The following ADAMTSL1 variants were observed in gnomAD, a reference collection of about 807,000 sequenced individuals.
ADAMTSL1 encodes ADAMTS like 1.
ADAMTSL1 carries 126 observed loss-of-function variants against 201.8 expected under a neutral mutation model. The ratio of observed to expected loss-of-function variants is 0.62; its 90% CI spans 0.54 to 0.72. The LOEUF (loss-of-function observed/expected upper bound fraction) is 0.72. ADAMTSL1 is among the 30% of genes least tolerant of loss of function. The pLI is 0.00. For missense variants in ADAMTSL1, 2,679 were observed against 2,277.8 expected (o/e 1.18, Z -3.59); for synonymous variants, 1,121 against 903.4 (o/e 1.24, Z -4.32).
chr9:18,011,907 G>A (rs1820068061), intron 1 of ADAMTSL1, among the ~76,000 whole-genome samples: 1 of 152,008 alleles, frequency 6.6e-6, no homozygotes, highest in African/African-American at 2.4e-5. Flanking sequence ...CAATCGAAGA[G>A]AGTTGCCGGT....
chr9:18,558,318 G>A (rs1821236331), intron 3 of ADAMTSL1, among the ~76,000 whole-genome samples: 1 of 152,160 alleles, frequency 6.6e-6, no homozygotes, highest in Admixed American at 6.5e-5. Context: ...CTTTATCCAT[G>A]TGCCTGCACA....
intron 15 of ADAMTSL1, among the ~76,000 whole-genome samples, chr9:18,729,163 G>A (rs1387834530): frequency 6.6e-6 from 1 of 152,196 alleles, no homozygotes; most frequent in African/African-American, 2.4e-5. Flanking sequence ...CCTGGCAGGA[G>A]GAGGATACAG....
chr9:18,076,497 G>A (rs540090166), intron 1 of ADAMTSL1, among the ~76,000 whole-genome samples: 1 of 152,338 alleles, frequency 6.6e-6, no homozygotes, highest in South Asian at 2.1e-4. Context: ...GACAAAAATA[G>A]TGCCTCCATG....
chr9:18,710,011 G>C (rs1038558215), intron 14 of ADAMTSL1, among the ~76,000 whole-genome samples: 1 of 152,120 alleles, frequency 6.6e-6, no homozygotes, highest in Non-Finnish European at 1.5e-5. Context: ...GCATATATTA[G>C]CTCTTTTGGA....
chr9:18,183,188 T>A (rs1828578608), intron 2 of ADAMTSL1, among the ~76,000 whole-genome samples: 1 of 152,058 alleles, frequency 6.6e-6, no homozygotes, highest in Non-Finnish European at 1.5e-5. Context: ...ATGCAAAAAA[T>A]TAAATCTGGG....
intron 20 of ADAMTSL1, among the ~76,000 whole-genome samples, chr9:18,803,905 A>C (rs773565589): frequency 5.3e-5 from 8 of 152,194 alleles, no homozygotes; most frequent in Non-Finnish European, 1.0e-4. Context: ...TATTCCAACA[A>C]AAACAATGTA....
In ADAMTSL1 at chr9:18,425,937, A is replaced by G. The variant is rs10125605; in HGVS notation, c.208-78892A>G. Among the ~76,000 whole-genome samples the G allele has an allele frequency of 8.4e-3, 1,274 of 151,914 alleles. 19 individuals are homozygous for G. The highest frequency in any genetic ancestry group is 0.029 in the African/African-American group (1,215 of 41,428). ...ATGTTCTTTTGGAAGGTAAAGGGTG[A>G]AAAGATGTTATTATTGAAAGATGAG... is the stretch of plus-strand genomic sequence containing the variant. On this transcript the variant is annotated intron_variant, in intron 2 of 29. Coordinates refer to the ADAMTSL1 transcript ENST00000680146.
intron 1 of ADAMTSL1, among the ~76,000 whole-genome samples, chr9:18,124,464 T>TA (rs1825651194): frequency 6.6e-6 from 1 of 152,172 alleles, no homozygotes. Flanking sequence ...TGTTACTTTT[T>TA]TATATATTCT....
At chr9:18,509,055 G>C (rs1399044815) in intron 2 of ADAMTSL1, among the ~76,000 whole-genome samples, 1 of 130,720 alleles carries the variant, frequency 7.6e-6, no homozygotes. Context: ...GCGGTGGCGG[G>C]CGCCTGTAGT....
At chr9:17,985,723 C>T (rs1473343263) in intron 1 of ADAMTSL1, among the ~76,000 whole-genome samples, 1 of 152,130 alleles carries the variant, frequency 6.6e-6, no homozygotes, top group Non-Finnish European at 1.5e-5. Context: ...GCTTAGCAAT[C>T]AGATACTCCA....
At chr9:18,482,889 C>T (rs1326753811) in intron 1 of ADAMTSL1, among the ~76,000 whole-genome samples, 1 of 152,142 alleles carries the variant, frequency 6.6e-6, no homozygotes, top group Non-Finnish European at 1.5e-5. Flanking sequence ...CTGTTATAAC[C>T]ATTTGTCACT....
intron 16 of ADAMTSL1, among the ~76,000 whole-genome samples, chr9:18,758,207 T>C (rs2164000): frequency 0.69 from 105,274 of 152,126 alleles, 36,713 homozygotes; most frequent in Admixed American, 0.76. Flanking sequence ...ATTTTCTTTT[T>C]CACTATGCAG....
At chr9:18,798,421 T>G (rs879742082) in intron 20 of ADAMTSL1, among the ~76,000 whole-genome samples, 5 of 152,208 alleles carry the variant, frequency 3.3e-5, no homozygotes, top group Non-Finnish European at 7.3e-5. Context: ...TTAAATGCAA[T>G]CATTCATAAA....
intron 2 of ADAMTSL1, among the ~76,000 whole-genome samples, chr9:18,273,316 A>T (rs113754819): frequency 1.9e-3 from 250 of 129,110 alleles, no homozygotes; most frequent in African/African-American, 6.3e-3. Context: ...CCCAACCTCA[A>T]GTGATCCGCC....
At chr9:18,200,956 A>G (rs10963510) in intron 2 of ADAMTSL1, among the ~76,000 whole-genome samples, 1 of 151,868 alleles carries the variant, frequency 6.6e-6, no homozygotes. Flanking sequence ...TCAAGACAAA[A>G]GAATATCTTT....
At position 18,579,163 on chromosome 9, in the gene ADAMTSL1, C is replaced by T. The variant is rs1303735895; in HGVS notation, c.474+4897C>T. 2.7e-5 allele frequency among the ~76,000 whole-genome samples: 4 copies of T among 150,516 alleles called. No homozygotes were observed. In the East Asian group the frequency reaches 7.8e-4, roughly 29 times the overall value. ...ATATACACCATGGAATACTATGCAG[C>T]CGTAAAAAATGATGAGTTCATGTCC... On this transcript the variant is annotated intron_variant, in intron 4 of 28. Coordinates refer to ENST00000380548, the MANE Select transcript of ADAMTSL1 (RefSeq NM_001040272.6).
chr9:18,626,871 CTT>C (rs1826404964), intron 5 of ADAMTSL1, among the ~76,000 whole-genome samples: 3 of 98,384 alleles, frequency 3.0e-5, no homozygotes, highest in African/African-American at 5.4e-5. Flanking sequence ...TTCTTTCTGT[CTT>C]TCTTCCTTCC....
intron 12 of ADAMTSL1, among the ~76,000 whole-genome samples, chr9:18,682,954 C>T (rs2482971): frequency 0.41 from 62,993 of 151,970 alleles, 13,397 homozygotes; most frequent in East Asian, 0.54. Context: ...AGAGATCATG[C>T]GTAGGTTAAA....
chr9:18,514,496 C>CT (rs991544237), intron 2 of ADAMTSL1, among the ~76,000 whole-genome samples: 8 of 151,720 alleles, frequency 5.3e-5, no homozygotes, highest in African/African-American at 1.9e-4. Context: ...TGCCCGGCTA[C>CT]TTTTTTTGTA....
Sources: allele counts gnomAD v4.1 joint callset (sites outside exome capture counted in the v4.1 genomes callset), GRCh38; gene constraint gnomAD v4.1.1; transcripts MANE v1.5; gene names NCBI Gene and HGNC (gene_info 2026-07-23, HGNC 2026-07-21).